PRKCB: variants seen among roughly 807,000 people sequenced by gnomAD.
The protein encoded by PRKCB is protein kinase C beta, also known as protein kinase C beta type.
PRKCB carries 13 observed loss-of-function variants against 81.5 expected under a neutral mutation model. The ratio of observed to expected loss-of-function variants is 0.16; its 90% confidence interval spans 0.10 to 0.25. The LOEUF is 0.25. Ranked by LOEUF, PRKCB falls within the 10% of genes least tolerant of loss-of-function variation. The pLI is 1.00. For missense variants in PRKCB, 509 were observed against 875.7 expected, an observed-to-expected ratio of 0.58 and a Z score of 5.29; for synonymous variants, 335 against 321.4, an observed-to-expected ratio of 1.04 and a Z score of -0.45.
chr16:24,076,665 C>A (rs374625664), intron 5 of PRKCB, among the ~76,000 whole-genome samples: 1 of 152,156 alleles, frequency 6.6e-6, no homozygotes, highest in African/African-American at 2.4e-5. Flanking sequence ...CAAACCTCAA[C>A]GTATTACCTT....
chr16:23,923,640 C>T lies in PRKCB; in HGVS notation c.206-64868C>T, dbSNP rs1247326993. ...TAATGCTTGAATTCCCTTCATAGCA[C>T]GCCATTGGTGACTGTCCAATCTTCA... On this transcript the variant is annotated intron_variant, in intron 2 of 16. Transcript: ENST00000643927. 2.6e-5 allele frequency among the ~76,000 whole-genome samples: 4 copies of T among 152,194 alleles called. No homozygotes were observed. In the South Asian group the frequency reaches 6.2e-4, roughly 24 times the overall value.
intron 3 of PRKCB, among the ~76,000 whole-genome samples, chr16:24,022,573 GCTCCGCCTCCCGGGTTCATGCCA>G (rs2141847519): frequency 6.6e-6 from 1 of 152,094 alleles, no homozygotes; most frequent in South Asian, 2.1e-4. Context: ...CTCACTGCAA[GCTCCGCCTCCCGGGTTCATGCCA>G]TTATCCTGCC....
chr16:24,038,338 T>C (rs1965649795), intron 5 of PRKCB, among the ~76,000 whole-genome samples: 1 of 152,236 alleles, frequency 6.6e-6, no homozygotes, highest in African/African-American at 2.4e-5. Context: ...TGGCATATTG[T>C]AGGATTTCAT....
At chr16:24,212,460 C>G (rs948073933) in intron 16 of PRKCB, among the ~76,000 whole-genome samples, 1 of 111,378 alleles carries the variant, frequency 9.0e-6, no homozygotes, top group Admixed American at 8.5e-5. Flanking sequence ...GCTTTTTTTT[C>G]CTTTTTTTTT....
chr16:23,977,367 C>T (rs1038652217), intron 2 of PRKCB, among the ~76,000 whole-genome samples: 2 of 152,126 alleles, frequency 1.3e-5, no homozygotes, highest in Admixed American at 6.6e-5. Context: ...GCTTTTAAAA[C>T]GTACTGATGC....
chr16:24,155,847 G>A (rs764638155), intron 10 of PRKCB, among the ~76,000 whole-genome samples: 14 of 152,066 alleles, frequency 9.2e-5, no homozygotes, highest in Non-Finnish European at 1.8e-4. Context: ...CTGACTGTAC[G>A]GTCTTGGGGC....
rs28896538 is a variant in PRKCB, at chr16:23,996,615, T to C, written c.288+8025T>C. On this transcript the variant is annotated intron_variant, in intron 3 of 16. Coordinates refer to ENST00000643927, the MANE Select transcript of PRKCB (RefSeq NM_002738.7). ...TTGCCTTCCCTGCCTGCAGTGCTTCTACTGAAACTGCCATTCATGGACTTA... is the reference window on the plus strand; with the variant it reads ...TTGCCTTCCCTGCCTGCAGTGCTTCCACTGAAACTGCCATTCATGGACTTA... 6.3e-3 allele frequency among the ~76,000 whole-genome samples: 965 copies of C among 152,352 alleles called. 5 individuals are homozygous for C. The highest frequency in any genetic ancestry group is 0.051 in the Middle Eastern group (15 of 294).
At chr16:24,053,175 C>T (rs1965862914) in intron 5 of PRKCB, among the ~76,000 whole-genome samples, 2 of 152,108 alleles carry the variant, frequency 1.3e-5, no homozygotes, top group Admixed American at 1.3e-4. Flanking sequence ...TTGTAGTTCA[C>T]TCACTCAAAA....
At chr16:23,903,880 C>G (rs1963519798) in intron 2 of PRKCB, among the ~76,000 whole-genome samples, 1 of 152,202 alleles carries the variant, frequency 6.6e-6, no homozygotes. Flanking sequence ...TTAAGGATCT[C>G]TGTTTCATCC....
Position 23,973,463 on chromosome 16 carries a change from G to C in PRKCB, c.206-15045G>C, listed in dbSNP as rs1434096014. On this transcript the variant is annotated intron_variant, in intron 2 of 16. Transcript: ENST00000643927. Reference sequence around the variant, plus strand: ...CTCTCAAAGTGCTGGGATTACAGGCGTGAGCCACCGGGCCCGGCCTCTTTC... The same window carrying C: ...CTCTCAAAGTGCTGGGATTACAGGCCTGAGCCACCGGGCCCGGCCTCTTTC... Among the ~76,000 whole-genome samples the C allele has an allele frequency of 2.0e-5, 3 of 152,000 alleles. No homozygotes were observed. The South Asian group carries it at 6.2e-4, about 32-fold the overall frequency.
chr16:23,897,604 G>A (rs543017201), intron 2 of PRKCB, among the ~76,000 whole-genome samples: 2 of 152,232 alleles, frequency 1.3e-5, no homozygotes, highest in South Asian at 4.1e-4. Context: ...GGCAGCTTAT[G>A]CCCTCCAGTT....
chr16:24,104,502 T>G lies in PRKCB; in HGVS notation c.822-8471T>G, dbSNP rs550054639. Among the ~76,000 whole-genome samples, 44 of 152,280 alleles carry G rather than the reference T, an allele frequency of 2.9e-4. No individual in the cohort carries two copies. The Middle Eastern group carries it at 0.02, about 71-fold the overall frequency. ...ATTGTAAATGAACAAAAATAAGTAA[T>G]AAAACATGGCATGTTTGAGGCTGAT... On this transcript the variant is annotated intron_variant, in intron 7 of 16. Transcript: ENST00000643927.
intron 9 of PRKCB, among the ~76,000 whole-genome samples, chr16:24,146,560 C>G (rs1966993383): frequency 6.6e-6 from 1 of 152,190 alleles, no homozygotes; most frequent in South Asian, 2.1e-4. Context: ...AGTCCATGCC[C>G]TAACCATTAT....
chr16:23,843,304 C>T (rs559052649), intron 2 of PRKCB, among the ~76,000 whole-genome samples: 1 of 152,122 alleles, frequency 6.6e-6, no homozygotes, highest in Admixed American at 6.5e-5. Context: ...ACTTCTCTTT[C>T]TTCCCAGAAG....
At chr16:24,138,922 G>T (rs1351853339) in intron 9 of PRKCB, among the ~76,000 whole-genome samples, 1 of 140,168 alleles carries the variant, frequency 7.1e-6, no homozygotes, top group Non-Finnish European at 1.5e-5. Context: ...GCACAATCTC[G>T]GCTCACTGCA....
chr16:24,212,164 C>T (rs899070127), intron 16 of PRKCB, among the ~76,000 whole-genome samples: 7 of 152,058 alleles, frequency 4.6e-5, no homozygotes, highest in African/African-American at 1.7e-4. Flanking sequence ...GGGGTTTCTC[C>T]CAGTCCTTAG....
intron 5 of PRKCB, among the ~76,000 whole-genome samples, chr16:24,089,789 T>TCTCACACA (rs71381638): frequency 2.7e-5 from 4 of 149,884 alleles, no homozygotes; most frequent in African/African-American, 9.8e-5. Flanking sequence ...TCTCTCTCTC[T>TCTCACACA]CACACACACA....
intron 2 of PRKCB, among the ~76,000 whole-genome samples, chr16:23,930,685 G>T (rs937502597): frequency 1.3e-5 from 2 of 152,066 alleles, no homozygotes; most frequent in Admixed American, 1.3e-4. Context: ...TCCTTCTAAC[G>T]TTATTGTTGT....
At chr16:24,213,215 A>G (rs772623535) in intron 16 of PRKCB, among the ~76,000 whole-genome samples, 93 of 151,994 alleles carry the variant, frequency 6.1e-4, no homozygotes, top group Non-Finnish European at 7.2e-4. Context: ...TTATATTTTT[A>G]GTAGAGACGG....
Sources: allele counts gnomAD v4.1 joint callset (sites outside exome capture counted in the v4.1 genomes callset), GRCh38; gene constraint gnomAD v4.1.1; transcripts MANE v1.5; gene names NCBI Gene and HGNC (gene_info 2026-07-23, HGNC 2026-07-21).